Variants in IKBIP observed in about 807,000 individuals in gnomAD.
IKBIP encodes inhibitor of nuclear factor kappa-B kinase-interacting protein.
A neutral mutation model predicts 31.0 loss-of-function variants in IKBIP; 28 were observed. That is an observed-to-expected ratio of 0.90 (90% CI 0.67 to 1.24). The LOEUF (loss-of-function observed/expected upper bound fraction) is 1.24, where lower values mean the gene tolerates loss of function less well. Among genes scored for constraint, IKBIP ranks in the 50% most tolerant of loss-of-function variants. IKBIP has a pLI of 0.00. For missense variants in IKBIP, 453 were observed against 441.9 expected, an observed-to-expected ratio of 1.03 and a Z score of -0.23; for synonymous variants, 164 against 160.3, an observed-to-expected ratio of 1.02 and a Z score of -0.17.
chr12:98,614,240 G>A (rs2097605006), exon 3 of IKBIP: 1 of 1,613,146 alleles, frequency 6.2e-7, no homozygotes, highest in African/African-American at 1.3e-5. Flanking sequence ...TATCCTATTG[G>A]ACCAAGTTTT....
At chr12:98,622,600 TG>T (rs1197468338), downstream of IKBIP, among the ~76,000 whole-genome samples, 8 of 151,854 alleles carry the variant, frequency 5.3e-5, no homozygotes, top group South Asian at 6.2e-4. Flanking sequence ...TGTGCAAATA[TG>T]GGGTAAGTCT....
downstream of IKBIP, among the ~76,000 whole-genome samples, chr12:98,623,341 G>A (rs564881128): frequency 6.6e-6 from 1 of 150,878 alleles, no homozygotes; most frequent in South Asian, 2.1e-4. Flanking sequence ...GGAATGCAAT[G>A]GTGCAGGTCA....
intron 1 of IKBIP, among the ~76,000 whole-genome samples, chr12:98,638,338 A>C (rs771734070): frequency 2.0e-5 from 3 of 152,132 alleles, no homozygotes; most frequent in Non-Finnish European, 4.4e-5. Flanking sequence ...CCCAGGCTGG[A>C]GTGCAGTGGT....
At chr12:98,635,673 C>T (rs138866447) in intron 1 of IKBIP, among the ~76,000 whole-genome samples, 26 of 152,092 alleles carry the variant, frequency 1.7e-4, no homozygotes, top group Admixed American at 1.2e-3. Context: ...GTAGGCGAAA[C>T]AAGAGTCGTC....
In IKBIP at chr12:98,626,596, C is replaced by T. The variant is rs200441162; in HGVS notation, c.468G>A (p.Thr156=). ...QSLNEKFQNI[T]DFWKRSLEEM... is the part of the protein sequence containing the mutation. Reference sequence around the variant, plus strand: ...CTTCTAGGCTTCTCTTCCAGAAATCCGTAATATTCTGAAATTTCTCATTAA... The same window carrying T: ...CTTCTAGGCTTCTCTTCCAGAAATCTGTAATATTCTGAAATTTCTCATTAA... The change falls in exon 3 of 3, where the codon ACG becomes ACA. Residue 156 remains threonine, a synonymous_variant. Coordinates refer to ENST00000299157, the MANE Select transcript of IKBIP (RefSeq NM_153687.4). 22 of 1,613,520 alleles carry T rather than the reference C, an allele frequency of 1.4e-5. No individual in the cohort carries two copies. The highest frequency in any genetic ancestry group is 8.9e-5 in the East Asian group (4 of 44,864).
rs187422523 is a variant in IKBIP, at chr12:98,624,313, C to T, written c.*1617G>A. 413 of 976,640 alleles carry T rather than the reference C, an allele frequency of 4.2e-4. No individual in the cohort carries two copies. The highest frequency in any genetic ancestry group is 5.3e-4 in the Middle Eastern group (1 of 1,900). The allele number at this position is 976,640 out of a possible 1,614,324, so 60.5% of individuals were successfully genotyped here. ...AAACAAATAGAATTTTGTCAGTGCA[C>T]GCAAATAAGAGACATTCAGAAGTCA... On this transcript the variant is annotated 3_prime_UTR_variant, in exon 3 of 3. Transcript: ENST00000299157.
rs1470620422 is a variant in IKBIP, at chr12:98,626,426, A to G, written c.638T>C (p.Ile213Thr). ...KDLEDSTLRNIRTVKRQEEED... is the reference protein window; with the variant it reads ...KDLEDSTLRNTRTVKRQEEED... ...TTCTTCTTGTCTTTTTACTGTTCTAATATTTCTTAGTGTGCTATCTTCCAA... is the reference window on the plus strand; with the variant it reads ...TTCTTCTTGTCTTTTTACTGTTCTAGTATTTCTTAGTGTGCTATCTTCCAA... The change falls in exon 3 of 3, where the codon ATT (isoleucine) becomes ACT (threonine). Residue 213 changes from isoleucine (I) to threonine (T), a missense_variant. Transcript: ENST00000299157. 1.2e-6 allele frequency: 2 copies of G among 1,613,160 alleles called. No individual in the cohort carries two copies. The highest frequency in any genetic ancestry group is 2.2e-5 in the East Asian group (1 of 44,890).
chr12:98,643,982 A>T (rs2097634626), intron 1 of IKBIP, among the ~76,000 whole-genome samples: 1 of 151,972 alleles, frequency 6.6e-6, no homozygotes, highest in African/African-American at 2.4e-5. Context: ...CGCCCGGCTG[A>T]TTATTCGTAT....
chr12:98,620,644 C>A (rs1043010265), downstream of IKBIP, among the ~76,000 whole-genome samples: 2 of 152,128 alleles, frequency 1.3e-5, no homozygotes, highest in Non-Finnish European at 1.5e-5. Flanking sequence ...AAATTACAGG[C>A]GTGGGCCACT....
In IKBIP at chr12:98,626,389, CAGG is replaced by C. The variant is rs775441536; in HGVS notation, c.672_674del (p.Leu225del). The stretch of plus-strand genomic sequence containing the variant: ...CAGAGCCTAGCTGCTCCTCTACTCG[CAGG>C]AGATCTTCTTCTTCTTGTCTTTTTA... On this transcript the variant is annotated inframe_deletion, in exon 3 of 3. Coordinates refer to ENST00000299157, the MANE Select transcript of IKBIP (RefSeq NM_153687.4). The C allele has an allele frequency of 4.3e-6, 7 of 1,613,736 alleles. No homozygotes were observed. The highest frequency in any genetic ancestry group is 4.0e-5 in the African/African-American group (3 of 74,940).
At chr12:98,634,595 C>T (rs2097624084) in intron 1 of IKBIP, among the ~76,000 whole-genome samples, 182 bp from the exon 2 acceptor site, 2 of 148,982 alleles carry the variant, frequency 1.3e-5, no homozygotes, top group African/African-American at 2.5e-5. Flanking sequence ...AATGCAGTGT[C>T]ACAATCATAG....
At chr12:98,614,149 G>A (rs769433304) in exon 3 of IKBIP, 2 of 1,613,458 alleles carry the variant, frequency 1.2e-6, no homozygotes, top group South Asian at 2.2e-5. Context: ...CTTTTGCCAT[G>A]GAAGTTGTAC....
In IKBIP at chr12:98,626,493, CTGAGT is replaced by C. The variant is rs1275870514; in HGVS notation, c.566_570del (p.Asn189SerfsTer2). ...GTGAGCAATTTTATTTCCTGCTCAGCTGAGTTAATTTGGACAGTTACTTGAGAATG... is the reference window on the plus strand; with the variant it reads ...GTGAGCAATTTTATTTCCTGCTCAGCTAATTTGGACAGTTACTTGAGAATG... On this transcript the variant is annotated frameshift_variant, in exon 3 of 3. Transcript: ENST00000299157. LOFTEE classifies it high-confidence loss of function. 1.9e-6 allele frequency: 3 copies of C among 1,613,366 alleles called. No individual in the cohort carries two copies. The highest frequency in any genetic ancestry group is 1.7e-5 in the Admixed American group (1 of 59,992).
downstream of IKBIP, among the ~76,000 whole-genome samples, chr12:98,619,503 G>A (rs74949015): frequency 0.021 from 3,265 of 152,292 alleles, 119 homozygotes; most frequent in African/African-American, 0.075. Flanking sequence ...TCAATACAGT[G>A]TGGTAATAGT....
chr12:98,636,054 A>G (rs1038421866), intron 1 of IKBIP, among the ~76,000 whole-genome samples: 3 of 152,244 alleles, frequency 2.0e-5, no homozygotes, highest in East Asian at 1.9e-4. Context: ...CTTGGATCCA[A>G]TACCATTTTG....
chr12:98,640,374 A>C (rs1023596839), intron 1 of IKBIP, among the ~76,000 whole-genome samples: 6 of 152,112 alleles, frequency 3.9e-5, no homozygotes, highest in African/African-American at 1.2e-4. Flanking sequence ...GTGGAGGTGG[A>C]GGTTGCGGTG....
rs139350531 is a variant in IKBIP at position 98,626,046 on chromosome 12, C to T, written c.1018G>A (p.Glu340Lys). 54 of 1,585,316 alleles carry T rather than the reference C, an allele frequency of 3.4e-5. No individual in the cohort carries two copies. The highest frequency in any genetic ancestry group is 1.7e-4 in the Middle Eastern group (1 of 5,946). ...ACTTTTTCTTTTAGAATATCCAGTTCATTTTGCATCTTTAATATGCTATTA... is the reference window on the plus strand; with the variant it reads ...ACTTTTTCTTTTAGAATATCCAGTTTATTTTGCATCTTTAATATGCTATTA... ...YDNSILKMQN[E>K]LDILKEKVHD... The change falls in exon 3 of 3, where the codon GAA becomes AAA. Residue 340 changes from glutamate to lysine, a missense_variant. Physicochemically the swap from Glu to Lys is moderately conservative, Grantham distance 56. Transcript: ENST00000299157.
chr12:98,640,477 CAAAAA>C, intron 1 of IKBIP, among the ~76,000 whole-genome samples: 1 of 136,010 alleles, frequency 7.4e-6, no homozygotes, highest in Non-Finnish European at 1.6e-5. Context: ...CAAAACAAAA[CAAAAA>C]AGCAATTAAA....
chr12:98,640,704 C>T (rs139771349), intron 1 of IKBIP, among the ~76,000 whole-genome samples: 1 of 151,986 alleles, frequency 6.6e-6, no homozygotes, highest in African/African-American at 2.4e-5. Context: ...AACTGACACT[C>T]AAGCCATATG....
Sources: allele counts gnomAD v4.1 joint callset (sites outside exome capture counted in the v4.1 genomes callset), GRCh38; gene constraint gnomAD v4.1.1; transcripts MANE v1.5; gene names NCBI Gene and HGNC (gene_info 2026-07-23, HGNC 2026-07-21).